NPAS3: variants seen among roughly 807,000 people sequenced by gnomAD.
NPAS3 encodes the protein neuronal PAS domain protein 3.
NPAS3 carries 14 observed loss-of-function variants against 73.1 expected under a neutral mutation model. That is an observed-to-expected ratio of 0.19 (90% confidence interval 0.13 to 0.30). NPAS3 has a LOEUF of 0.30. Among genes scored for constraint, NPAS3 ranks in the 10% least tolerant of loss-of-function variants. NPAS3 has a pLI of 1.00. For missense variants in NPAS3, 1,096 were observed against 1,250.0 expected (o/e 0.88, Z 1.86); for synonymous variants, 620 against 541.5 (o/e 1.14, Z -2.01).
intron 1 of NPAS3, among the ~76,000 whole-genome samples, chr14:32,968,599 C>T (rs2037284786): frequency 6.6e-6 from 1 of 152,046 alleles, no homozygotes; most frequent in Non-Finnish European, 1.5e-5. Flanking sequence ...TACATTTCCA[C>T]ACTTTAAATC....
chr14:33,182,074 C>T (rs1201388942), intron 2 of NPAS3, among the ~76,000 whole-genome samples: 1 of 152,088 alleles, frequency 6.6e-6, no homozygotes, highest in Non-Finnish European at 1.5e-5. Flanking sequence ...CTTCCTCCTT[C>T]CCCTAGATAC....
intron 6 of NPAS3, among the ~76,000 whole-genome samples, chr14:33,684,390 C>T (rs2060029751): frequency 6.6e-6 from 1 of 152,100 alleles, no homozygotes; most frequent in African/African-American, 2.4e-5. Flanking sequence ...CGGCTCACTA[C>T]AACCTCCATC....
chr14:33,081,628 T>G (rs889339958), intron 2 of NPAS3, among the ~76,000 whole-genome samples: 1 of 152,234 alleles, frequency 6.6e-6, no homozygotes, highest in African/African-American at 2.4e-5. Context: ...TCCAAACATT[T>G]AGACCTGGTT....
chr14:33,799,666 C>A (rs971781662), intron 11 of NPAS3, 68 bp from the exon 12 acceptor site: 11 of 1,527,438 alleles, frequency 7.2e-6, no homozygotes, highest in Non-Finnish European at 9.7e-6. Context: ...TGGGTCGCCC[C>A]GCTAACCTGG....
chr14:33,267,679 G>C lies in NPAS3; in HGVS notation c.385+52253G>C, dbSNP rs184900932. ...AAAATTTTCAAAAGAATTTAAGTTT[G>C]AAACAATTTAAAATATTATCTTTTT... On this transcript the variant is annotated intron_variant, in intron 3 of 11. Transcript: ENST00000356141. 9.2e-4 allele frequency among the ~76,000 whole-genome samples: 140 copies of C among 152,282 alleles called. 1 individual carries two copies. The highest frequency in any genetic ancestry group is 2.3e-3 in the Admixed American group (35 of 15,294).
In NPAS3 at chr14:33,677,851, G is replaced by A. The variant is rs528809303; in HGVS notation, c.733+1466G>A. Among the ~76,000 whole-genome samples, 4 of 152,288 alleles carry A rather than the reference G, an allele frequency of 2.6e-5. No individual in the cohort carries two copies. In the South Asian group the frequency reaches 8.3e-4, roughly 32 times the overall value. On this transcript the variant is annotated intron_variant, in intron 6 of 11. Transcript: ENST00000356141. Reference sequence around the variant, plus strand: ...GCAAGTGATATATTCTTATACCATAGCTCACTGACTTTACTGAGCAGCTAT... The same window carrying A: ...GCAAGTGATATATTCTTATACCATAACTCACTGACTTTACTGAGCAGCTAT...
chr14:33,544,788 T>TTTTATATATATA (rs1555409893), intron 4 of NPAS3, among the ~76,000 whole-genome samples: 3 of 63,256 alleles, frequency 4.7e-5, no homozygotes, highest in African/African-American at 2.6e-4. Context: ...TGTGTGTGTA[T>TTTTATATATATA]TATATATATA....
chr14:33,463,049 C>T (rs1046872144), intron 4 of NPAS3, among the ~76,000 whole-genome samples: 6 of 152,056 alleles, frequency 3.9e-5, no homozygotes, highest in African/African-American at 1.5e-4. Context: ...GAGCTCACTG[C>T]GAGGACTGAG....
intron 6 of NPAS3, among the ~76,000 whole-genome samples, chr14:33,723,984 C>T (rs375888520): frequency 3.3e-5 from 5 of 152,038 alleles, no homozygotes; most frequent in Non-Finnish European, 5.9e-5. Flanking sequence ...CTTTAGCACG[C>T]GTAGCACGAT....
intron 1 of NPAS3, among the ~76,000 whole-genome samples, chr14:32,940,758 C>A (rs188067858): frequency 4.3e-4 from 65 of 152,318 alleles, no homozygotes; most frequent in Admixed American, 1.2e-3. Context: ...AGGGGATATT[C>A]AGACATCCAT....
chr14:33,339,086 G>A (rs189181443), intron 3 of NPAS3, among the ~76,000 whole-genome samples: 257 of 152,240 alleles, frequency 1.7e-3, no homozygotes, highest in African/African-American at 5.7e-3. Flanking sequence ...TTGTATTTGT[G>A]TTTGGCCTAA....
chr14:33,289,586 T>G (rs1446975954), intron 3 of NPAS3, among the ~76,000 whole-genome samples: 1 of 152,070 alleles, frequency 6.6e-6, no homozygotes, highest in African/African-American at 2.4e-5. Flanking sequence ...TTTGGGAGGC[T>G]GAGGTGGGCA....
intron 7 of NPAS3, among the ~76,000 whole-genome samples, chr14:33,769,833 C>T (rs1422332456): frequency 4.7e-5 from 6 of 127,318 alleles, no homozygotes; most frequent in Non-Finnish European, 6.3e-5. Context: ...GGCGGAATCA[C>T]GGCTCACTGC....
intron 4 of NPAS3, among the ~76,000 whole-genome samples, chr14:33,448,602 A>G (rs2049633611): frequency 6.6e-6 from 1 of 152,144 alleles, no homozygotes. Context: ...CATTGTTCCT[A>G]TTTGGCAAGA....
exon 9 of NPAS3, chr14:33,778,514 A>G (rs773805152): frequency 6.2e-7 from 1 of 1,613,976 alleles, no homozygotes; most frequent in South Asian, 1.1e-5. Context: ...TAGGGAAGAG[A>G]TGCTACCACT....
intron 1 of NPAS3, among the ~76,000 whole-genome samples, chr14:33,034,341 C>T (rs2040092679): frequency 6.6e-6 from 1 of 151,616 alleles, no homozygotes; most frequent in Admixed American, 6.6e-5. Flanking sequence ...AGTCTTCATG[C>T]TCATTCTATT....
intron 4 of NPAS3, among the ~76,000 whole-genome samples, chr14:33,559,566 T>C (rs767720735): frequency 3.3e-5 from 5 of 152,246 alleles, no homozygotes; most frequent in Non-Finnish European, 5.9e-5. Context: ...GACCTTATTT[T>C]GTACATGAAT....
chr14:33,198,344 C>T (rs561983885), intron 2 of NPAS3, among the ~76,000 whole-genome samples: 56 of 151,410 alleles, frequency 3.7e-4, no homozygotes, highest in Admixed American at 1.1e-3. Context: ...TTTTACAGAG[C>T]GCTGATTGGT....
intron 6 of NPAS3, among the ~76,000 whole-genome samples, chr14:33,695,349 C>T (rs754344125): frequency 3.3e-5 from 5 of 152,062 alleles, no homozygotes; most frequent in African/African-American, 9.7e-5. Flanking sequence ...TGTATAACAA[C>T]GTTAGTTAGA....
Sources: allele counts gnomAD v4.1 joint callset (sites outside exome capture counted in the v4.1 genomes callset), GRCh38; gene constraint gnomAD v4.1.1; transcripts MANE v1.5; gene names NCBI Gene and HGNC (gene_info 2026-07-23, HGNC 2026-07-21).